Variants in PLPP4 observed in about 807,000 individuals in gnomAD.
PLPP4 encodes phospholipid phosphatase 4.
PLPP4 carries 20 observed loss-of-function variants against 32.2 expected under a neutral mutation model. The ratio of observed to expected loss-of-function variants is 0.62; its 90% CI spans 0.44 to 0.90. The LOEUF (loss-of-function observed/expected upper bound fraction) is 0.90, where lower values mean the gene tolerates loss of function less well. Ranked by LOEUF, PLPP4 falls within the 40% of genes least tolerant of loss-of-function variation. The pLI, the probability that PLPP4 is intolerant of heterozygous loss-of-function variation, is 0.00. For synonymous variants in PLPP4, 127 were observed against 133.0 expected, an observed-to-expected ratio of 0.95 and a Z score of 0.31; for missense variants, 257 against 353.1, an observed-to-expected ratio of 0.73 and a Z score of 2.18.
chr10:120,535,729 T>C lies in PLPP4; in HGVS notation c.445+14634T>C, dbSNP rs192948945. On this transcript the variant is annotated intron_variant, in intron 5 of 6. Transcript: ENST00000398250. ...CCTCGTTTTTTATTTTATCTCTTCC[T>C]GTTTCATGATGTGACTTCATGTGGA... Among the ~76,000 whole-genome samples the C allele has an allele frequency of 6.2e-3, 943 of 152,296 alleles. 8 individuals carry two copies. The highest frequency in any genetic ancestry group is 0.011 in the Non-Finnish European group (734 of 67,994).
At chr10:120,565,841 A>G (rs555076428) in intron 5 of PLPP4, among the ~76,000 whole-genome samples, 61 of 152,194 alleles carry the variant, frequency 4.0e-4, no homozygotes, top group African/African-American at 1.3e-3. Flanking sequence ...CACATCATCC[A>G]TGTCACTTAT....
chr10:120,461,865 G>A (rs1011299141), intron 1 of PLPP4, among the ~76,000 whole-genome samples: 1 of 152,222 alleles, frequency 6.6e-6, no homozygotes, highest in Non-Finnish European at 1.5e-5. Context: ...TCATTGGTAC[G>A]CTTTGATTGG....
chr10:120,500,069 G>A (rs914979701), intron 1 of PLPP4, among the ~76,000 whole-genome samples: 8 of 152,190 alleles, frequency 5.3e-5, no homozygotes, highest in African/African-American at 1.7e-4. Flanking sequence ...CATGGCTGGA[G>A]AAGGGACATC....
rs189430776 is a variant in PLPP4 at position 120,585,781 on chromosome 10, A to G, written c.617-3522A>G. Among the ~76,000 whole-genome samples, 369 of 152,250 alleles carry G rather than the reference A, an allele frequency of 2.4e-3. 7 individuals are homozygous for G. Among genetic ancestry groups the G allele is most frequent in the African/African-American group, 8.4e-3 (348 of 41,530 alleles). ...CTTACTGCAGCCCCAGGAGCCTCCAAATGGCCAACAGTTCTTCTCTTGGGA... is the reference window on the plus strand; with the variant it reads ...CTTACTGCAGCCCCAGGAGCCTCCAGATGGCCAACAGTTCTTCTCTTGGGA... On this transcript the variant is annotated intron_variant, in intron 6 of 6. Transcript: ENST00000398250.
chr10:120,458,892 A>G (rs1405224478), intron 1 of PLPP4, among the ~76,000 whole-genome samples: 1 of 152,230 alleles, frequency 6.6e-6, no homozygotes, highest in Non-Finnish European at 1.5e-5. Context: ...AGTGCACAGT[A>G]GAATTTAACA....
chr10:120,512,613 A>C (rs1231453803), intron 2 of PLPP4, among the ~76,000 whole-genome samples: 1 of 152,112 alleles, frequency 6.6e-6, no homozygotes, highest in African/African-American at 2.4e-5. Flanking sequence ...TTATAAAAGA[A>C]GAGCTCTTGG....
chr10:120,565,872 T>C (rs901657000), intron 5 of PLPP4, among the ~76,000 whole-genome samples: 19 of 152,158 alleles, frequency 1.2e-4, no homozygotes, highest in Admixed American at 1.1e-3. Context: ...TTATTTTTCA[T>C]ATGTCTTTTT....
At chr10:120,549,744 A>G (rs1847801701) in intron 5 of PLPP4, among the ~76,000 whole-genome samples, 2 of 142,722 alleles carry the variant, frequency 1.4e-5, no homozygotes, top group East Asian at 4.2e-4. Context: ...ATAAAGAAGA[A>G]AAATCATATA....
At chr10:120,532,471 T>A (rs562143405) in intron 5 of PLPP4, among the ~76,000 whole-genome samples, 38 of 152,172 alleles carry the variant, frequency 2.5e-4, no homozygotes, top group Non-Finnish European at 4.9e-4. Context: ...ATTTCACATA[T>A]GATTCAATTC....
chr10:120,532,353 A>T (rs561986491), intron 5 of PLPP4, among the ~76,000 whole-genome samples: 11 of 152,222 alleles, frequency 7.2e-5, no homozygotes, highest in Non-Finnish European at 1.5e-5. Context: ...GCTATTGTGA[A>T]TAGTGCTGCA....
intron 5 of PLPP4, among the ~76,000 whole-genome samples, chr10:120,524,313 G>A (rs1181877680): frequency 6.6e-6 from 1 of 152,118 alleles, no homozygotes; most frequent in Admixed American, 6.6e-5. Context: ...GCTCCTCAGA[G>A]GGGGTGACCT....
intron 5 of PLPP4, among the ~76,000 whole-genome samples, chr10:120,545,221 G>C (rs1169115276): frequency 6.6e-6 from 1 of 152,206 alleles, no homozygotes; most frequent in Non-Finnish European, 1.5e-5. Context: ...ACCCTTTCCT[G>C]GTCCTTCAGG....
intron 1 of PLPP4, among the ~76,000 whole-genome samples, chr10:120,475,998 C>T (rs1053426004): frequency 2.0e-5 from 3 of 152,172 alleles, no homozygotes; most frequent in African/African-American, 7.2e-5. Context: ...TTGATTGGGT[C>T]CTACTGTGCC....
intron 5 of PLPP4, among the ~76,000 whole-genome samples, chr10:120,536,485 G>A (rs1575914): frequency 0.59 from 89,944 of 151,686 alleles, 27,512 homozygotes; most frequent in Non-Finnish European, 0.68. Context: ...GGATATCCAC[G>A]TGCAAAAACA....
chr10:120,486,674 C>T (rs1844471978), intron 1 of PLPP4, among the ~76,000 whole-genome samples: 1 of 152,222 alleles, frequency 6.6e-6, no homozygotes, highest in African/African-American at 2.4e-5. Flanking sequence ...GGAACATCGA[C>T]AGACGTTTTT....
At chr10:120,497,501 G>A (rs1422841333) in intron 1 of PLPP4, among the ~76,000 whole-genome samples, 1 of 152,052 alleles carries the variant, frequency 6.6e-6, no homozygotes, top group Non-Finnish European at 1.5e-5. Context: ...ATAATTATAA[G>A]CTTTAAGGAA....
At chr10:120,515,406 G>A (rs985385221) in intron 3 of PLPP4, among the ~76,000 whole-genome samples, 1 of 152,180 alleles carries the variant, frequency 6.6e-6, no homozygotes, top group Non-Finnish European at 1.5e-5. Flanking sequence ...GCTTGCAGTG[G>A]TGGTGATTTC....
rs570357317 is a variant in PLPP4, at chr10:120,519,800, A to C, written c.320+904A>C. On this transcript the variant is annotated intron_variant, in intron 4 of 6. Coordinates refer to ENST00000398250, the MANE Select transcript of PLPP4 (RefSeq NM_001030059.3). ...TCAGAAAGCAAGCGCTATGTTTCCA[A>C]CATTAGCTAAACTTCACCCGTGGTA... Among the ~76,000 whole-genome samples, 162 of 152,348 alleles carry C rather than the reference A, an allele frequency of 1.1e-3. 1 individual carries two copies. The highest frequency in any genetic ancestry group is 3.4e-3 in the Middle Eastern group (1 of 294).
chr10:120,488,805 C>T (rs1844577726), intron 1 of PLPP4, among the ~76,000 whole-genome samples: 1 of 152,150 alleles, frequency 6.6e-6, no homozygotes. Context: ...CAAAAATAGT[C>T]ATAATGGAAA....
Sources: allele counts gnomAD v4.1 joint callset (sites outside exome capture counted in the v4.1 genomes callset), GRCh38; gene constraint gnomAD v4.1.1; transcripts MANE v1.5; gene names NCBI Gene and HGNC (gene_info 2026-07-23, HGNC 2026-07-21).